The following SLC25A21 variants were observed in gnomAD, a reference collection of about 807,000 sequenced individuals.
SLC25A21 encodes solute carrier family 25 member 21, also known as mitochondrial 2-oxodicarboxylate carrier.
In SLC25A21, 47 loss-of-function variants were observed where a neutral mutation model predicts 43.8. The observed-to-expected ratio is 1.07, with a 90% CI of 0.85 to 1.37. The LOEUF is 1.37. Among genes scored for constraint, SLC25A21 ranks in the 40% most tolerant of loss-of-function variants. The pLI, the probability that SLC25A21 is intolerant of heterozygous loss-of-function variation, is 0.00. For synonymous variants in SLC25A21, 131 were observed against 121.3 expected (o/e 1.08, Z -0.52); for missense variants, 352 against 350.2 (o/e 1.00, Z -0.04).
chr14:36,775,965 A>G (rs1338920999), intron 3 of SLC25A21, among the ~76,000 whole-genome samples: 4 of 152,086 alleles, frequency 2.6e-5, no homozygotes, highest in Non-Finnish European at 5.9e-5. Flanking sequence ...ATACCTGGAG[A>G]CACTAAGGGT....
At chr14:36,726,967 A>G (rs963427294) in intron 5 of SLC25A21, among the ~76,000 whole-genome samples, 2 of 152,218 alleles carry the variant, frequency 1.3e-5, no homozygotes, top group Admixed American at 1.3e-4. Context: ...GTGTAACCTT[A>G]GAAAGGGAGG....
At chr14:37,005,155 C>T (rs1051645348) in intron 1 of SLC25A21, among the ~76,000 whole-genome samples, 2 of 151,850 alleles carry the variant, frequency 1.3e-5, no homozygotes, top group African/African-American at 4.8e-5. Context: ...GACAGCCAAC[C>T]TTCATACATC....
intron 1 of SLC25A21, among the ~76,000 whole-genome samples, chr14:37,027,028 C>T (rs577977682): frequency 3.3e-5 from 5 of 152,224 alleles, no homozygotes; most frequent in Admixed American, 1.3e-4. Flanking sequence ...GTTTAAGCTA[C>T]CATCTCCATG....
At chr14:36,966,379 G>A (rs971910829) in intron 1 of SLC25A21, among the ~76,000 whole-genome samples, 2 of 152,180 alleles carry the variant, frequency 1.3e-5, no homozygotes, top group Admixed American at 6.5e-5. Flanking sequence ...GCAAATTAGA[G>A]GAAATTCTTG....
intron 1 of SLC25A21, among the ~76,000 whole-genome samples, chr14:36,880,804 T>A (rs984892089): frequency 6.6e-6 from 1 of 152,214 alleles, no homozygotes; most frequent in Non-Finnish European, 1.5e-5. Flanking sequence ...ATATTGTTAA[T>A]CACATATCCT....
intron 3 of SLC25A21, among the ~76,000 whole-genome samples, chr14:36,768,358 G>A (rs892887454): frequency 6.6e-6 from 1 of 152,134 alleles, no homozygotes; most frequent in Non-Finnish European, 1.5e-5. Context: ...ACAATAAAGA[G>A]AAAACCAGAA....
chr14:36,890,139 C>A (rs1891035678), intron 1 of SLC25A21, among the ~76,000 whole-genome samples: 1 of 151,954 alleles, frequency 6.6e-6, no homozygotes, highest in Admixed American at 6.6e-5. Context: ...TTGGAGAGAG[C>A]AGGGGGAGGT....
intron 1 of SLC25A21, among the ~76,000 whole-genome samples, chr14:37,132,564 A>G (rs1042760054): frequency 6.6e-6 from 1 of 152,146 alleles, no homozygotes; most frequent in Non-Finnish European, 1.5e-5. Context: ...CTTCCTTGAC[A>G]TGTTCTGTAA....
intron 1 of SLC25A21, among the ~76,000 whole-genome samples, chr14:36,975,538 C>T (rs1165670195): frequency 1.3e-5 from 2 of 152,044 alleles, no homozygotes; most frequent in Non-Finnish European, 1.5e-5. Context: ...ATAAGTTGTT[C>T]GATGAGTACA....
Position 36,739,443 on chromosome 14 carries a change from C to T in SLC25A21, c.204-4870G>A, listed in dbSNP as rs149166168. Among the ~76,000 whole-genome samples the T allele has an allele frequency of 5.9e-3, 904 of 151,964 alleles. 10 individuals are homozygous for T. Among genetic ancestry groups the T allele is most frequent in the African/African-American group, 0.02 (839 of 41,450 alleles). On this transcript the variant is annotated intron_variant, in intron 3 of 9. Coordinates refer to ENST00000331299, the MANE Select transcript of SLC25A21 (RefSeq NM_030631.4). The stretch of plus-strand genomic sequence containing the variant: ...CTGTAATCCCAGCACTTCGGGAAGC[C>T]GAGGTGGGTGGATCACGTGAGGTCA...
intron 4 of SLC25A21, among the ~76,000 whole-genome samples, chr14:36,733,212 C>G (rs1413903728): frequency 6.6e-6 from 1 of 152,310 alleles, no homozygotes; most frequent in East Asian, 1.9e-4. Flanking sequence ...TCCATGCAGA[C>G]AAAGTGACTT....
chr14:36,939,362 G>T (rs1892501623), intron 1 of SLC25A21, among the ~76,000 whole-genome samples: 1 of 151,962 alleles, frequency 6.6e-6, no homozygotes, highest in African/African-American at 2.4e-5. Flanking sequence ...TTTTGTGAGG[G>T]GTTTGACTGC....
chr14:36,932,943 G>A (rs1327042014), intron 1 of SLC25A21, among the ~76,000 whole-genome samples: 1 of 151,954 alleles, frequency 6.6e-6, no homozygotes, highest in East Asian at 1.9e-4. Context: ...ATAAGTAAAA[G>A]CACATTAATT....
chr14:37,094,406 A>G (rs546771391), intron 1 of SLC25A21, among the ~76,000 whole-genome samples: 5 of 152,324 alleles, frequency 3.3e-5, no homozygotes, highest in Non-Finnish European at 7.3e-5. Context: ...GAAAAAATTA[A>G]AATATTTGAT....
At chr14:37,123,674 A>G (rs369627507) in intron 1 of SLC25A21, among the ~76,000 whole-genome samples, 3 of 152,224 alleles carry the variant, frequency 2.0e-5, no homozygotes, top group South Asian at 4.1e-4. Flanking sequence ...ATGAAATTGT[A>G]TAACATAAAT....
In SLC25A21 at chr14:36,709,580, T is replaced by C. The variant is rs1327077766; in HGVS notation, c.603+1738A>G. Among the ~76,000 whole-genome samples, 14 of 152,282 alleles carry C rather than the reference T, an allele frequency of 9.2e-5. No homozygotes were observed. The East Asian group carries it at 2.5e-3, about 27-fold the overall frequency. Reference sequence around the variant, plus strand: ...TCAAGGATTTCAGACCAAAAAAACATAAGCTTCTACTCAATAAATGAGATT... The same window carrying C: ...TCAAGGATTTCAGACCAAAAAAACACAAGCTTCTACTCAATAAATGAGATT... On this transcript the variant is annotated intron_variant, in intron 7 of 9. Coordinates refer to ENST00000331299, the MANE Select transcript of SLC25A21 (RefSeq NM_030631.4).
intron 1 of SLC25A21, among the ~76,000 whole-genome samples, chr14:36,900,194 T>C (rs1891360248): frequency 6.6e-6 from 1 of 151,994 alleles, no homozygotes. Context: ...TCCTGTCATC[T>C]TTATGATGCA....
intron 1 of SLC25A21, among the ~76,000 whole-genome samples, chr14:36,920,988 A>G (rs1453124286): frequency 6.6e-6 from 1 of 152,166 alleles, no homozygotes; most frequent in African/African-American, 2.4e-5. Flanking sequence ...TATGCTAGGA[A>G]AACAAATTAC....
At chr14:36,746,639 C>T (rs1295311406) in intron 3 of SLC25A21, among the ~76,000 whole-genome samples, 1 of 152,174 alleles carries the variant, frequency 6.6e-6, no homozygotes, top group African/African-American at 2.4e-5. Flanking sequence ...GATAAATAAG[C>T]CTTGCTGAGG....
Sources: allele counts gnomAD v4.1 joint callset (sites outside exome capture counted in the v4.1 genomes callset), GRCh38; gene constraint gnomAD v4.1.1; transcripts MANE v1.5; gene names NCBI Gene and HGNC (gene_info 2026-07-23, HGNC 2026-07-21).